Variants in CNTN5 observed in about 807,000 individuals in gnomAD.
The protein encoded by CNTN5 is contactin-5.
Under a neutral mutation model 129.1 loss-of-function variants are expected in CNTN5, and 77 were observed. The observed-to-expected ratio is 0.60, with a 90% CI of 0.50 to 0.72. The LOEUF (loss-of-function observed/expected upper bound fraction) is 0.72. Among genes scored for constraint, CNTN5 ranks in the 30% least tolerant of loss-of-function variants. The probability of loss-of-function intolerance (pLI) is 0.00; values close to 1 mark genes in which losing one functional copy is unlikely to be tolerated. For synonymous variants in CNTN5, 509 were observed against 465.6 expected, an observed-to-expected ratio of 1.09 and a Z score of -1.20; for missense variants, 1,478 against 1,328.8, an observed-to-expected ratio of 1.11 and a Z score of -1.75.
At chr11:99,026,044 C>A (rs1488135916) in intron 1 of CNTN5, among the ~76,000 whole-genome samples, 1 of 151,534 alleles carries the variant, frequency 6.6e-6, no homozygotes, top group Non-Finnish European at 1.5e-5. Context: ...TAGACAAAAT[C>A]CCTGATGATT....
chr11:99,749,786 A>T (rs576599753), intron 3 of CNTN5, among the ~76,000 whole-genome samples: 65 of 152,298 alleles, frequency 4.3e-4, no homozygotes, highest in African/African-American at 9.1e-4. Context: ...TTAGTTATAT[A>T]TTATTTTATC....
At chr11:99,359,781 T>G (rs2136105211) in intron 2 of CNTN5, among the ~76,000 whole-genome samples, 1 of 152,198 alleles carries the variant, frequency 6.6e-6, no homozygotes, top group Non-Finnish European at 1.5e-5. Context: ...ATCGAGCAAG[T>G]TACGTGCTTC....
At chr11:99,170,690 T>G (rs1166339664) in intron 1 of CNTN5, among the ~76,000 whole-genome samples, 1 of 152,214 alleles carries the variant, frequency 6.6e-6, no homozygotes, top group Non-Finnish European at 1.5e-5. Context: ...TACAAGTGAT[T>G]TGTAAGTGAT....
chr11:99,794,354 A>G (rs1446961128), intron 3 of CNTN5, among the ~76,000 whole-genome samples: 1 of 151,940 alleles, frequency 6.6e-6, no homozygotes, highest in East Asian at 1.9e-4. Context: ...ACAGCATACT[A>G]TTTGGTTTTC....
chr11:100,193,295 A>T (rs1948546160), intron 14 of CNTN5, among the ~76,000 whole-genome samples, 193 bp from the exon 15 acceptor site: 1 of 151,878 alleles, frequency 6.6e-6, no homozygotes, highest in South Asian at 2.1e-4. Flanking sequence ...CTCTTAAATC[A>T]TTTCTCCCCT....
At chr11:99,593,856 C>T (rs138925182) in intron 3 of CNTN5, among the ~76,000 whole-genome samples, 143 of 152,250 alleles carry the variant, frequency 9.4e-4, no homozygotes, top group African/African-American at 3.1e-3. Context: ...TCCAGAATCT[C>T]TTTCTTATTC....
chr11:100,215,361 T>C (rs949656764), intron 15 of CNTN5, among the ~76,000 whole-genome samples: 1 of 152,106 alleles, frequency 6.6e-6, no homozygotes, highest in East Asian at 1.9e-4. Flanking sequence ...GAAATTAGAG[T>C]ATACCTCCCA....
intron 9 of CNTN5, among the ~76,000 whole-genome samples, chr11:100,060,103 G>A (rs1943401334): frequency 6.6e-6 from 1 of 151,858 alleles, no homozygotes; most frequent in African/African-American, 2.4e-5. Flanking sequence ...CCAGCTACTT[G>A]GGAAACTGAG....
intron 18 of CNTN5, among the ~76,000 whole-genome samples, chr11:100,295,248 C>A (rs185433019): frequency 2.6e-5 from 4 of 151,514 alleles, no homozygotes; most frequent in African/African-American, 9.7e-5. Context: ...AAATTAGCAG[C>A]AGTAAGAAAA....
At chr11:99,895,018 G>T (rs1229692513) in intron 6 of CNTN5, among the ~76,000 whole-genome samples, 1 of 152,136 alleles carries the variant, frequency 6.6e-6, no homozygotes, top group Non-Finnish European at 1.5e-5. Context: ...AATATATAAG[G>T]CAGAAATCAG....
At position 100,353,627 on chromosome 11, in the gene CNTN5, A is replaced by T. The variant is rs568808417; in HGVS notation, c.3200-2490A>T. On this transcript the variant is annotated intron_variant, in intron 24 of 24. Coordinates refer to ENST00000524871, the MANE Select transcript of CNTN5 (RefSeq NM_014361.4). Reference sequence around the variant, plus strand: ...TAAGCATGCACATACGACTCCAGTGAGTCTTTGTCATCTCGCCTTTCTTAT... The same window carrying T: ...TAAGCATGCACATACGACTCCAGTGTGTCTTTGTCATCTCGCCTTTCTTAT... 3.3e-5 allele frequency among the ~76,000 whole-genome samples: 5 copies of T among 151,716 alleles called. No individual in the cohort carries two copies. In the South Asian group the frequency reaches 1.0e-3, roughly 31 times the overall value.
In CNTN5 at chr11:99,828,271, G is replaced by A. The variant is rs1425785472; in HGVS notation, c.277+8506G>A. On this transcript the variant is annotated intron_variant, in intron 4 of 24. Transcript: ENST00000524871. ...ACTGCTTCTTTGTAAACTAATGATA[G>A]CATTCTGTCTTAGTCCATTTTGTGA... Among the ~76,000 whole-genome samples the A allele has an allele frequency of 2.6e-5, 4 of 152,236 alleles. No homozygotes were observed. The East Asian group carries it at 5.8e-4, about 22-fold the overall frequency.
chr11:99,695,847 T>C (rs1954246647), intron 3 of CNTN5, among the ~76,000 whole-genome samples: 2 of 152,136 alleles, frequency 1.3e-5, no homozygotes, highest in South Asian at 4.1e-4. Flanking sequence ...TTACTTGTGC[T>C]TTGGAAACCT....
intron 2 of CNTN5, among the ~76,000 whole-genome samples, chr11:99,331,649 A>G (rs1197091243): frequency 2.0e-5 from 3 of 152,198 alleles, no homozygotes; most frequent in Non-Finnish European, 4.4e-5. Context: ...ACATATCTGC[A>G]GTAGATCAAC....
At chr11:99,063,826 A>G (rs1864987911) in intron 1 of CNTN5, among the ~76,000 whole-genome samples, 1 of 152,052 alleles carries the variant, frequency 6.6e-6, no homozygotes, top group Admixed American at 6.6e-5. Context: ...ATCTCTCTAG[A>G]CCCCATCCAG....
At chr11:100,295,923 A>T (rs1187620827) in intron 18 of CNTN5, among the ~76,000 whole-genome samples, 1 of 151,274 alleles carries the variant, frequency 6.6e-6, no homozygotes, top group African/African-American at 2.4e-5. Flanking sequence ...GTGTGTATGT[A>T]TGTGTGTGTA....
At chr11:99,982,692 G>C (rs1938421802) in intron 8 of CNTN5, among the ~76,000 whole-genome samples, 1 of 152,114 alleles carries the variant, frequency 6.6e-6, no homozygotes, top group Non-Finnish European at 1.5e-5. Context: ...CCAGGCTGGA[G>C]TGCAGTGGGG....
intron 9 of CNTN5, among the ~76,000 whole-genome samples, chr11:100,039,785 T>C (rs1428253513): frequency 6.6e-6 from 1 of 152,248 alleles, no homozygotes; most frequent in Non-Finnish European, 1.5e-5. Flanking sequence ...TCTGCATTCG[T>C]CACGTAGCTC....
At chr11:99,965,896 C>T (rs915592787) in intron 8 of CNTN5, among the ~76,000 whole-genome samples, 1 of 152,144 alleles carries the variant, frequency 6.6e-6, no homozygotes, top group African/African-American at 2.4e-5. Flanking sequence ...ATAAGAAGGA[C>T]ACTTTCCTGA....
Sources: gnomAD v4.1 joint callset for allele counts (sites outside exome capture counted in the v4.1 genomes callset) on GRCh38, gnomAD v4.1.1 for gene constraint, MANE v1.5 for transcripts, NCBI Gene and HGNC (gene_info 2026-07-23, HGNC 2026-07-21) for gene names.